The following NLRP9 variants were observed in gnomAD, a reference collection of about 807,000 sequenced individuals.
NLRP9 encodes the protein NLR family pyrin domain containing 9, also known as NACHT, LRR and PYD domains-containing protein 9.
NLRP9 carries 88 observed loss-of-function variants against 83.1 expected under a neutral mutation model. The ratio of observed to expected loss-of-function variants is 1.06; its 90% CI spans 0.89 to 1.26. The LOEUF is 1.26. Ranked by LOEUF, NLRP9 falls within the 50% of genes most tolerant of loss-of-function variation. The pLI is 0.00. For missense variants in NLRP9, 1,308 were observed against 1,179.3 expected, an observed-to-expected ratio of 1.11 and a Z score of -1.60; for synonymous variants, 521 against 447.6, an observed-to-expected ratio of 1.16 and a Z score of -2.07.
At chr19:55,713,629 C>G (rs375506416) in intron 6 of NLRP9, among the ~76,000 whole-genome samples, 3 of 124,924 alleles carry the variant, frequency 2.4e-5, no homozygotes, top group Middle Eastern at 4.1e-3. Context: ...TCTTACTCCC[C>G]TCCTCCTCCT....
chr19:55,715,184 A>T lies in NLRP9; in HGVS notation c.2372T>A (p.Ile791Asn). The change falls in exon 6 of 9, where the codon ATT (isoleucine) becomes AAT (asparagine). Residue 791 changes from isoleucine (I) to asparagine (N), a missense_variant. By Grantham distance (149) the Ile-to-Asn change is moderately radical. Coordinates refer to ENST00000332836, the MANE Select transcript of NLRP9 (RefSeq NM_176820.4). ...CCLTSVSCDS[I>N]SEVLLCSKSL... ...CTTACTGCACAAGAGGACTTCGGAA[A>T]TGGAGTCACAGGAGACAGAGGTGAG... 1 of 1,613,456 alleles carries T rather than the reference A, an allele frequency of 6.2e-7. No individual in the cohort carries two copies. The highest frequency in any genetic ancestry group is 8.5e-7 in the Non-Finnish European group (1 of 1,179,888).
In NLRP9 at chr19:55,711,794, A is replaced by G. The variant is rs372323188; in HGVS notation, c.2843+6T>C. The G allele has an allele frequency of 7.2e-5, 116 of 1,612,504 alleles. No homozygotes were observed. Among genetic ancestry groups the G allele is most frequent in the Admixed American group, 4.0e-4 (24 of 59,974 alleles). On this transcript the variant is annotated splice_donor_region_variant and intron_variant, in intron 8 of 8. Coordinates refer to ENST00000332836, the MANE Select transcript of NLRP9 (RefSeq NM_176820.4). ...ACTCACCCCAAAGGAAACAGTGTCCACTCACCCCAGCATCTGCAGGGCACA... is the reference window on the plus strand; with the variant it reads ...ACTCACCCCAAAGGAAACAGTGTCCGCTCACCCCAGCATCTGCAGGGCACA...
intron 8 of NLRP9, 56 bp from the exon 9 acceptor site, chr19:55,709,100 C>T: frequency 7.6e-7 from 1 of 1,314,152 alleles, no homozygotes; most frequent in Non-Finnish European, 1.0e-6. Context: ...CACAGTATTG[C>T]CTCTCTACAT....
chr19:55,717,441 C>G (rs1382610079), intron 4 of NLRP9, among the ~76,000 whole-genome samples: 1 of 152,192 alleles, frequency 6.6e-6, no homozygotes, highest in African/African-American at 2.4e-5. Flanking sequence ...TTCTCACCAC[C>G]TGGGGTGATT....
chr19:55,734,235 G>A (rs1456731276), intron 1 of NLRP9, among the ~76,000 whole-genome samples: 10 of 151,046 alleles, frequency 6.6e-5, no homozygotes, highest in Non-Finnish European at 1.3e-4. Flanking sequence ...CAACCAGTAC[G>A]TGCCTGTGGT....
chr19:55,717,621 G>A (rs1399746327), intron 4 of NLRP9, among the ~76,000 whole-genome samples: 2 of 152,150 alleles, frequency 1.3e-5, no homozygotes, highest in Non-Finnish European at 2.9e-5. Context: ...CAAGAAATAG[G>A]AAAACCCAAA....
At chr19:55,712,741 A>T in intron 6 of NLRP9, 151 bp from the exon 7 acceptor site, 1 of 335,910 alleles carries the variant, frequency 3.0e-6, no homozygotes, top group Non-Finnish European at 5.3e-6. Flanking sequence ...GAGAAGAATG[A>T]GGGAGGAGAG....
In NLRP9 at chr19:55,732,726, C is replaced by CA. The variant is rs1405276098; in HGVS notation, c.1104dup (p.Ala369CysfsTer18). ...TTGAATACAGTTGTTAAAAAGGATG[C>CA]ATATAAATAGGTGGTGTTTTGGGAG... is the stretch of plus-strand genomic sequence containing the variant. On this transcript the variant is annotated frameshift_variant, in exon 2 of 9. Transcript: ENST00000332836. LOFTEE classifies it high-confidence loss of function. 6.2e-7 allele frequency: 1 copy of CA among 1,614,030 alleles called. No individual in the cohort carries two copies. The highest frequency in any genetic ancestry group is 1.7e-5 in the Admixed American group (1 of 60,016).
At chr19:55,726,159 T>C (rs1988396824) in intron 3 of NLRP9, among the ~76,000 whole-genome samples, 2 of 152,154 alleles carry the variant, frequency 1.3e-5, no homozygotes, top group South Asian at 2.1e-4. Flanking sequence ...AGCACCGGGA[T>C]TGGTTAGCTA....
chr19:55,709,523 A>G (rs1987616029), intron 8 of NLRP9: 1 of 152,440 alleles, frequency 6.6e-6, no homozygotes, highest in Non-Finnish European at 1.5e-5. Context: ...AGCACATGCT[A>G]CACCCATAAA....
At position 55,708,756 on chromosome 19, in the gene NLRP9, A is replaced by G. The variant is rs1987554476; in HGVS notation, c.*156T>C. On this transcript the variant is annotated 3_prime_UTR_variant, in exon 9 of 9. Transcript: ENST00000332836. ...AGACAATCAGCATGTACACTGAATC[A>G]CACTCCATAATCATATTGCTAGAAC... The G allele has an allele frequency of 5.7e-6, 3 of 529,444 alleles. No homozygotes were observed. Among genetic ancestry groups the G allele is most frequent in the Admixed American group, 3.1e-5 (1 of 31,772 alleles). The allele number at this position is 529,444 out of a possible 1,614,324, so 32.8% of individuals were successfully genotyped here. A position where few individuals can be genotyped will look rare whatever the true frequency, so the allele number is the denominator to read the frequency against.
At position 55,734,017 on chromosome 19, in the gene NLRP9, G is replaced by A. The variant is rs1382410662; in HGVS notation, c.281-467C>T. ...GGCTCACTGCAAGCTCCGCCTCCCG[G>A]GTTCACGCCATTCTCCTGCCGCAGC... On this transcript the variant is annotated intron_variant, in intron 1 of 8. Transcript: ENST00000332836. 3.4e-5 allele frequency among the ~76,000 whole-genome samples: 5 copies of A among 147,860 alleles called. No individual in the cohort carries two copies. In the East Asian group the frequency reaches 8.0e-4, roughly 24 times the overall value.
chr19:55,711,101 A>T (rs1174757412), intron 8 of NLRP9, among the ~76,000 whole-genome samples: 4 of 123,456 alleles, frequency 3.2e-5, no homozygotes, highest in Admixed American at 1.5e-4. Flanking sequence ...AACAAAACAA[A>T]ACAAAACAAA....
At chr19:55,731,230 G>A (rs561829920) in intron 2 of NLRP9, among the ~76,000 whole-genome samples, 1 of 152,092 alleles carries the variant, frequency 6.6e-6, no homozygotes, top group East Asian at 1.9e-4. Flanking sequence ...AGAGGGAAAA[G>A]GCATATGGAA....
intron 3 of NLRP9, among the ~76,000 whole-genome samples, chr19:55,727,866 C>A (rs1330654490): frequency 6.6e-6 from 1 of 152,128 alleles, no homozygotes; most frequent in Non-Finnish European, 1.5e-5. Context: ...TGCTAGGAGA[C>A]CTTGTACGAC....
In NLRP9 at chr19:55,732,863, A is replaced by G; in HGVS notation, c.968T>C (p.Phe323Ser). 1 of 1,614,148 alleles carries G rather than the reference A, an allele frequency of 6.2e-7. No homozygotes were observed. The highest frequency in any genetic ancestry group is 8.5e-7 in the Non-Finnish European group (1 of 1,180,032). Residue 323 changes from phenylalanine (F) to serine (S), a missense_variant, in exon 2 of 9, where the codon TTT (phenylalanine) becomes TCT (serine). Coordinates refer to ENST00000332836, the MANE Select transcript of NLRP9 (RefSeq NM_176820.4). ...AAACAGCGGCCCATTATCTCTCACA[A>G]AATTGAAGACTTTCAGGGCTTTGCT... ...EKSKALKVFN[F>S]VRDNGPLFIL...
In NLRP9 at chr19:55,732,254, C is replaced by A. The variant is rs773351172; in HGVS notation, c.1577G>T (p.Cys526Phe). 6.2e-7 allele frequency: 1 copy of A among 1,614,056 alleles called. No homozygotes were observed. Among genetic ancestry groups the A allele is most frequent in the Non-Finnish European group, 8.5e-7 (1 of 1,179,918 alleles). Residue 526 changes from cysteine (C) to phenylalanine (F), a missense_variant, in exon 2 of 9, where the codon TGC becomes TTC. By Grantham distance (205) the Cys-to-Phe change is radical (BLOSUM62 -2). Coordinates refer to ENST00000332836, the MANE Select transcript of NLRP9 (RefSeq NM_176820.4). ...TTCACATTGACTTAAACTTTCAAGGCATTGGGTTATTTCCTGCTTTAGGTC... is the reference window on the plus strand; with the variant it reads ...TTCACATTGACTTAAACTTTCAAGGAATTGGGTTATTTCCTGCTTTAGGTC... ...SKDLKQEITQCLESLSQCEAD... is the reference protein window; with the variant it reads ...SKDLKQEITQFLESLSQCEAD...
Position 55,733,919 on chromosome 19 carries a change from A to ATTTTTTTTTTTTTT in NLRP9, c.281-383_281-370dup, listed in dbSNP as rs765779528. 6.1e-4 allele frequency among the ~76,000 whole-genome samples: 72 copies of ATTTTTTTTTTTTTT among 117,862 alleles called. 5 individuals are homozygous for ATTTTTTTTTTTTTT. The highest frequency in any genetic ancestry group is 2.1e-3 in the African/African-American group (59 of 27,906). 77.3% of individuals were successfully genotyped at this position (117,862 alleles called of 152,430 possible). Reference sequence around the variant, plus strand: ...ATAAACTCAACCAGTTGTCAACCAAATTTTTTTTTTTTTTTTTTTTTGAGA... The same window carrying ATTTTTTTTTTTTTT: ...ATAAACTCAACCAGTTGTCAACCAAATTTTTTTTTTTTTTTTTTTTTTTTTTTTTTTTTTTGAGA... On this transcript the variant is annotated intron_variant, in intron 1 of 8. Transcript: ENST00000332836.
At position 55,715,143 on chromosome 19, in the gene NLRP9, C is replaced by G. The variant is rs776582079; in HGVS notation, c.2413G>C (p.Asp805His). The G allele has an allele frequency of 9.3e-6, 15 of 1,613,274 alleles. No individual in the cohort carries two copies. The highest frequency in any genetic ancestry group is 1.3e-5 in the Non-Finnish European group (15 of 1,179,888). ...TCTTCCAGGGCATTTGAGCCCAGAT[C>G]GAGGAGGGACAGGGACTTACTGCAC... ...LLCSKSLSLLDLGSNALEDNG... is the reference protein window; with the variant it reads ...LLCSKSLSLLHLGSNALEDNG... Residue 805 changes from aspartate to histidine, a missense_variant, in exon 6 of 9, where the codon GAT (aspartate) becomes CAT (histidine). Coordinates refer to ENST00000332836, the MANE Select transcript of NLRP9 (RefSeq NM_176820.4).
Sources: gnomAD v4.1 joint callset for allele counts (sites outside exome capture counted in the v4.1 genomes callset) on GRCh38, gnomAD v4.1.1 for gene constraint, MANE v1.5 for transcripts, NCBI Gene and HGNC (gene_info 2026-07-23, HGNC 2026-07-21) for gene names.